JAG2: variants seen among roughly 807,000 people sequenced by gnomAD.
The protein encoded by JAG2 is jagged canonical Notch ligand 2.
JAG2 carries 46 observed loss-of-function variants against 141.7 expected under a neutral mutation model. The observed-to-expected ratio is 0.32, with a 90% CI of 0.26 to 0.42. The LOEUF is 0.42. JAG2 is among the 10% of genes least tolerant of loss of function. The probability of loss-of-function intolerance (pLI) is 1.00; values close to 1 mark genes in which losing one functional copy is unlikely to be tolerated. For synonymous variants in JAG2, 862 were observed against 763.5 expected, an observed-to-expected ratio of 1.13 and a Z score of -2.13; for missense variants, 1,500 against 1,817.5, an observed-to-expected ratio of 0.83 and a Z score of 3.18.
At chr14:105,153,894 G>A (rs984637979) in intron 5 of JAG2, among the ~76,000 whole-genome samples, 2 of 151,938 alleles carry the variant, frequency 1.3e-5, no homozygotes, top group South Asian at 2.1e-4. Context: ...GGCCAGGCGA[G>A]GGTGAGTGGG....
intron 20 of JAG2, 184 bp from the exon 21 acceptor site, chr14:105,146,908 G>A (rs1042335768): frequency 8.9e-6 from 6 of 674,486 alleles, no homozygotes; most frequent in African/African-American, 7.0e-5. Flanking sequence ...GCCTGACCCT[G>A]GCCCAACAGC....
At chr14:105,148,001 G>C (rs1194804994) in intron 17 of JAG2, 113 bp from the exon 18 acceptor site, 2 of 1,148,202 alleles carry the variant, frequency 1.7e-6, no homozygotes, top group African/African-American at 1.5e-5. Flanking sequence ...CAGGGGGCAG[G>C]GGGCAGGTGG....
Position 105,168,431 on chromosome 14 carries a change from A to T in JAG2, c.-11T>A, listed in dbSNP as rs929852859. ...GCCCTGCGCCCGCATTGCCCCCGCG[A>T]CCCGCCCGCCCGGCCCCGCCGCCGC... On this transcript the variant is annotated 5_prime_UTR_variant, in exon 1 of 26. Coordinates refer to ENST00000331782, the MANE Select transcript of JAG2 (RefSeq NM_002226.5). 9 of 653,246 alleles carry T rather than the reference A, an allele frequency of 1.4e-5. No individual in the cohort carries two copies. The highest frequency in any genetic ancestry group is 2.2e-5 in the African/African-American group (1 of 45,556). The allele number at this position is 653,246 out of a possible 1,614,324, so 40.5% of individuals were successfully genotyped here. A position where few individuals can be genotyped will look rare whatever the true frequency, so the allele number is the denominator to read the frequency against.
rs978720991 is a variant in JAG2 at position 105,141,536 on chromosome 14, A to G, written c.*1159T>C. 4 of 151,990 alleles carry G rather than the reference A, an allele frequency of 2.6e-5. No homozygotes were observed. Among genetic ancestry groups the G allele is most frequent in the Non-Finnish European group, 5.9e-5 (4 of 68,006 alleles). The allele number at this position is 151,990 out of a possible 1,614,324, so 9.4% of individuals were successfully genotyped here. On this transcript the variant is annotated 3_prime_UTR_variant, in exon 26 of 26. Transcript: ENST00000331782. ...GAAGGTTTTGGCCAAACCTGCATCC[A>G]CCACCTTGGCATGCCAACGCATTCG...
At position 105,155,716 on chromosome 14, in the gene JAG2, CGCAGCCCA is replaced by C. The variant is rs1176990477; in HGVS notation, c.727+14_727+21del. 1 of 1,612,586 alleles carries C rather than the reference CGCAGCCCA, an allele frequency of 6.2e-7. No individual in the cohort carries two copies. The highest frequency in any genetic ancestry group is 8.5e-7 in the Non-Finnish European group (1 of 1,179,828). ...TGCCCGAGGCCCTCCCTGCCCTCCA[CGCAGCCCA>C]GCGGCCCCCTCACCTTCCTTGCACT... is the stretch of plus-strand genomic sequence containing the variant. On this transcript the variant is annotated intron_variant, in intron 4 of 25. Coordinates refer to ENST00000331782, the MANE Select transcript of JAG2 (RefSeq NM_002226.5).
At chr14:105,157,834 C>T (rs1595184518) in intron 2 of JAG2, 71 bp from the exon 3 acceptor site, 2 of 1,395,196 alleles carry the variant, frequency 1.4e-6, no homozygotes, top group East Asian at 5.0e-5. Context: ...TGGGACAAGG[C>T]CCAGGGCTCA....
intron 7 of JAG2, 92 bp from the exon 8 acceptor site, chr14:105,151,831 G>C: frequency 1.9e-6 from 3 of 1,602,822 alleles, no homozygotes; most frequent in Non-Finnish European, 2.6e-6. Flanking sequence ...CCCAAGCTGG[G>C]GGTCAGGGGC....
In JAG2 at chr14:105,146,460, C is replaced by G. The variant is rs377562088; in HGVS notation, c.2634G>C (p.Pro878=). The G allele has an allele frequency of 1.6e-5, 25 of 1,612,640 alleles. No individual in the cohort carries two copies. The highest frequency in any genetic ancestry group is 6.6e-5 in the South Asian group (6 of 91,094). Residue 878 remains proline, a synonymous_variant, in exon 22 of 26, where the codon CCG becomes CCC. Transcript: ENST00000331782. The part of the protein sequence containing the change: ...FGRSCWSRGT[P]FPHGSSWVED... ...CCACCCAGGAGCTTCCGTGTGGGAA[C>G]GGAGTGCCCCGGGACCAGCAGGATC...
chr14:105,157,582 G>A (rs1460233301), intron 3 of JAG2, 124 bp downstream of exon 3: 1 of 982,782 alleles, frequency 1.0e-6, no homozygotes, highest in Non-Finnish European at 1.6e-6. Flanking sequence ...AAGCAAAAAG[G>A]GAAACAGCAC....
intron 2 of JAG2, among the ~76,000 whole-genome samples, chr14:105,162,427 G>A (rs1358782389): frequency 2.0e-5 from 1 of 50,494 alleles, no homozygotes; most frequent in Admixed American, 1.8e-4. Flanking sequence ...CAAGCCAGAG[G>A]ACAGGCAGAC....
At position 105,155,719 on chromosome 14, in the gene JAG2, A is replaced by ACGCG. The variant is rs749834503; in HGVS notation, c.727+18_727+19insCGCG. On this transcript the variant is annotated intron_variant, in intron 4 of 25. Transcript: ENST00000331782. ...CCGAGGCCCTCCCTGCCCTCCACGC[A>ACGCG]GCCCAGCGGCCCCCTCACCTTCCTT... The ACGCG allele has an allele frequency of 6.2e-7, 1 of 1,612,568 alleles. No individual in the cohort carries two copies. The highest frequency in any genetic ancestry group is 1.7e-5 in the Admixed American group (1 of 60,004).
At chr14:105,163,744 A>C (rs1238856194) in intron 2 of JAG2, among the ~76,000 whole-genome samples, 1 of 151,330 alleles carries the variant, frequency 6.6e-6, no homozygotes, top group Non-Finnish European at 1.5e-5. Context: ...GACCCTGCTC[A>C]GTCCTGGGAC....
In JAG2 at chr14:105,151,086, C is replaced by T. The variant is rs770339410; in HGVS notation, c.1286G>A (p.Gly429Glu). 3 of 1,612,334 alleles carry T rather than the reference C, an allele frequency of 1.9e-6. No homozygotes were observed. The highest frequency in any genetic ancestry group is 2.5e-6 in the Non-Finnish European group (3 of 1,179,502). Residue 429 changes from glycine to glutamate, a missense_variant, in exon 10 of 26, where the codon GGG becomes GAG. Transcript: ENST00000331782. The part of the protein sequence containing the change: ...TCQLDANECE[G>E]KPCLNAFSCK... The stretch of plus-strand genomic sequence containing the variant: ...AGAAAAAGCGTTAAGGCATGGCTTC[C>T]CTTCACACTCATTGGCGTCTGTGAA...
At chr14:105,156,984 C>G (rs896284567) in intron 3 of JAG2, among the ~76,000 whole-genome samples, 1 of 152,132 alleles carries the variant, frequency 6.6e-6, no homozygotes, top group African/African-American at 2.4e-5. Flanking sequence ...TGGCCCCGCT[C>G]TCCCTCCTCC....
Position 105,142,526 on chromosome 14 carries a change from T to A in JAG2, c.*169A>T, listed in dbSNP as rs753877439. ...TGTTTTCAGCCTGACAGTTACTGAA[T>A]AATTTATACAAGGTTAAAGAAACGT... On this transcript the variant is annotated 3_prime_UTR_variant, in exon 26 of 26. Coordinates refer to ENST00000331782, the MANE Select transcript of JAG2 (RefSeq NM_002226.5). The A allele has an allele frequency of 3.3e-6, 2 of 604,302 alleles. No homozygotes were observed. Among genetic ancestry groups the A allele is most frequent in the Non-Finnish European group, 5.8e-6 (2 of 343,532 alleles). The allele number at this position is 604,302 out of a possible 1,614,324, so 37.4% of individuals were successfully genotyped here.
At position 105,143,543 on chromosome 14, in the gene JAG2, T is replaced by G; in HGVS notation, c.3180A>C (p.Ser1060=). ...TGACCTCGGTGACAGCCAGGAGCAG[T>G]GAGCTGTTCCCCCGCTGGGTGATGG... The part of the protein sequence containing the change: ...VAAITQRGNS[S]LLLAVTEVKV... The change falls in exon 25 of 26, where the codon TCA becomes TCC. Residue 1060 remains serine (S), a synonymous_variant. Coordinates refer to ENST00000331782, the MANE Select transcript of JAG2 (RefSeq NM_002226.5). 6.3e-7 allele frequency: 1 copy of G among 1,594,152 alleles called. No homozygotes were observed. The highest frequency in any genetic ancestry group is 8.5e-7 in the Non-Finnish European group (1 of 1,173,254).
At chr14:105,163,854 G>C (rs976423320) in intron 2 of JAG2, among the ~76,000 whole-genome samples, 4 of 151,610 alleles carry the variant, frequency 2.6e-5, no homozygotes, top group African/African-American at 9.7e-5. Context: ...CTAGGGTCTG[G>C]GGACAGGGAC....
At chr14:105,163,341 A>G (rs1644566071) in intron 2 of JAG2, among the ~76,000 whole-genome samples, 1 of 152,118 alleles carries the variant, frequency 6.6e-6, no homozygotes, top group African/African-American at 2.4e-5. Context: ...CCACGCAGGA[A>G]CACACACACC....
chr14:105,154,741 G>C lies in JAG2; in HGVS notation c.788+821C>G, dbSNP rs186874384. On this transcript the variant is annotated intron_variant, in intron 5 of 25. Transcript: ENST00000331782. This position sits in a 1 kb window ranked among gnomAD's most constrained non-coding sequence, Gnocchi z 4.4. ...GTGGCGCAGGCCAGGCCTCTCCCACGAGCTTTCTGGGTGTCTCCAGGGACA... is the reference window on the plus strand; with the variant it reads ...GTGGCGCAGGCCAGGCCTCTCCCACCAGCTTTCTGGGTGTCTCCAGGGACA... Among the ~76,000 whole-genome samples, 1,050 of 151,882 alleles carry C rather than the reference G, an allele frequency of 6.9e-3. 37 individuals are homozygous for C. Among genetic ancestry groups the C allele is most frequent in the Admixed American group, 0.064 (981 of 15,276 alleles).
Sources: gnomAD v4.1 joint callset for allele counts (sites outside exome capture counted in the v4.1 genomes callset) on GRCh38, gnomAD v4.1.1 for gene constraint, Gnocchi (gnomAD v3.1) non-coding constraint, MANE v1.5 for transcripts, NCBI Gene and HGNC (gene_info 2026-07-23, HGNC 2026-07-21) for gene names.